Variants in NDUFS4 observed in about 807,000 individuals in gnomAD.
The protein encoded by NDUFS4 is NADH:ubiquinone oxidoreductase subunit S4.
Under a neutral mutation model 24.3 loss-of-function variants are expected in NDUFS4, and 28 were observed. The observed-to-expected ratio is 1.15, with a 90% CI of 0.85 to 1.58. The LOEUF (loss-of-function observed/expected upper bound fraction) is 1.58. Ranked by LOEUF, NDUFS4 falls within the 40% of genes most tolerant of loss-of-function variation. The pLI, the probability that NDUFS4 is intolerant of heterozygous loss-of-function variation, is 0.00. For missense variants in NDUFS4, 223 were observed against 207.9 expected (o/e 1.07, Z -0.45); for synonymous variants, 93 against 69.7 (o/e 1.34, Z -1.67).
At chr5:53,670,866 A>G (rs1752647345) in intron 4 of NDUFS4, among the ~76,000 whole-genome samples, 1 of 151,422 alleles carries the variant, frequency 6.6e-6, no homozygotes, top group South Asian at 2.1e-4. Flanking sequence ...TCCCTATAGT[A>G]CCTCTAGAGT....
intron 4 of NDUFS4, among the ~76,000 whole-genome samples, chr5:53,663,400 C>G (rs572620247): frequency 1.1e-3 from 163 of 152,200 alleles, no homozygotes; most frequent in Non-Finnish European, 1.7e-3. Flanking sequence ...AACTTCCTGT[C>G]TCATTGATCT....
In NDUFS4 at chr5:53,617,689, T is replaced by A. The variant is rs181536892; in HGVS notation, c.177+14159T>A. Among the ~76,000 whole-genome samples, 67 of 152,330 alleles carry A rather than the reference T, an allele frequency of 4.4e-4. 1 individual carries two copies. Among genetic ancestry groups the A allele is most frequent in the African/African-American group, 1.2e-3 (48 of 41,578 alleles). On this transcript the variant is annotated intron_variant, in intron 2 of 4. Coordinates refer to ENST00000296684, the MANE Select transcript of NDUFS4 (RefSeq NM_002495.4). ...GTGCCCCACCCTCTAAGCACTTTTT[T>A]AAAAATTGTCATATTTCCTCTTTTG...
intron 3 of NDUFS4, among the ~76,000 whole-genome samples, chr5:53,654,839 A>G (rs1226529598): frequency 1.3e-5 from 2 of 152,176 alleles, no homozygotes; most frequent in Non-Finnish European, 2.9e-5. Flanking sequence ...TTTACATTGT[A>G]TTGATACTTA....
At chr5:53,569,168 A>G (rs372335794) in intron 1 of NDUFS4, among the ~76,000 whole-genome samples, 154 of 152,250 alleles carry the variant, frequency 1.0e-3, no homozygotes, top group African/African-American at 3.5e-3. Context: ...GATCTCTTCA[A>G]TATACTTACA....
intron 3 of NDUFS4, among the ~76,000 whole-genome samples, chr5:53,649,555 C>T (rs56129546): frequency 0.13 from 20,206 of 152,160 alleles, 1,454 homozygotes; most frequent in African/African-American, 0.18. Flanking sequence ...TTTATTGCTG[C>T]GTAGTATTCC....
At chr5:53,622,186 C>T (rs1157524503) in intron 2 of NDUFS4, among the ~76,000 whole-genome samples, 1 of 152,078 alleles carries the variant, frequency 6.6e-6, no homozygotes, top group East Asian at 1.9e-4. Context: ...ACATGTCTTA[C>T]AGTGCTGTTC....
intron 1 of NDUFS4, among the ~76,000 whole-genome samples, chr5:53,574,473 G>C (rs968039064): frequency 6.6e-6 from 1 of 152,090 alleles, no homozygotes; most frequent in African/African-American, 2.4e-5. Context: ...CTAATACTTT[G>C]TTGAAGATTT....
chr5:53,662,418 G>A (rs190871288), intron 4 of NDUFS4, among the ~76,000 whole-genome samples: 7 of 152,088 alleles, frequency 4.6e-5, no homozygotes, highest in Admixed American at 6.6e-5. Context: ...GAGGATTTTT[G>A]CATCGATGTT....
chr5:53,629,001 C>A (rs988021166), intron 2 of NDUFS4, among the ~76,000 whole-genome samples: 3 of 152,110 alleles, frequency 2.0e-5, no homozygotes, highest in African/African-American at 7.2e-5. Context: ...TTCCTGCTTT[C>A]TCTTGTGGGC....
At chr5:53,627,753 G>T (rs186259858) in intron 2 of NDUFS4, among the ~76,000 whole-genome samples, 233 of 152,280 alleles carry the variant, frequency 1.5e-3, no homozygotes, top group African/African-American at 5.5e-3. Flanking sequence ...CTTTGCTGAA[G>T]TTGCTTATCA....
chr5:53,603,621 G>A, intron 2 of NDUFS4, 91 bp downstream of exon 2: 3 of 1,013,160 alleles, frequency 3.0e-6, no homozygotes, highest in South Asian at 1.4e-5. Flanking sequence ...AGGTTTTCAG[G>A]AAAGTGATTT....
At chr5:53,577,514 T>A (rs1158071999) in intron 1 of NDUFS4, among the ~76,000 whole-genome samples, 1 of 151,758 alleles carries the variant, frequency 6.6e-6, no homozygotes, top group Non-Finnish European at 1.5e-5. Flanking sequence ...GTAAGGGGTC[T>A]AATATCTATT....
intron 3 of NDUFS4, 140 bp downstream of exon 3, chr5:53,646,545 C>T: frequency 1.3e-6 from 1 of 794,498 alleles, no homozygotes; most frequent in Admixed American, 2.2e-5. Flanking sequence ...CCACTGTGCT[C>T]AAAGATACAC....
At chr5:53,578,806 ACTTT>A (rs1423501546) in intron 1 of NDUFS4, among the ~76,000 whole-genome samples, 1 of 150,746 alleles carries the variant, frequency 6.6e-6, no homozygotes, top group African/African-American at 2.4e-5. Context: ...TACTTTTCTT[ACTTT>A]CTTTTTTCTT....
intron 2 of NDUFS4, among the ~76,000 whole-genome samples, chr5:53,636,599 T>A (rs1751558118): frequency 6.6e-6 from 1 of 152,188 alleles, no homozygotes; most frequent in Admixed American, 6.5e-5. Context: ...ACTAATTTGT[T>A]TGCAAAACAA....
At chr5:53,593,255 A>C (rs1750031808) in intron 1 of NDUFS4, among the ~76,000 whole-genome samples, 1 of 151,998 alleles carries the variant, frequency 6.6e-6, no homozygotes, top group East Asian at 1.9e-4. Context: ...TGAGAGTTTT[A>C]GTAATTCCTG....
At chr5:53,658,488 A>T in intron 3 of NDUFS4, 63 bp from the exon 4 acceptor site, 1 of 1,105,086 alleles carries the variant, frequency 9.0e-7, no homozygotes, top group Non-Finnish European at 1.4e-6. Context: ...TATTTTAAAT[A>T]TTGATTTTGT....
At chr5:53,622,955 T>C (rs1751098510) in intron 2 of NDUFS4, among the ~76,000 whole-genome samples, 1 of 152,226 alleles carries the variant, frequency 6.6e-6, no homozygotes, top group Non-Finnish European at 1.5e-5. Flanking sequence ...CAGAATTTCA[T>C]TCCTTTTAAA....
chr5:53,653,537 A>G (rs907952443), intron 3 of NDUFS4, among the ~76,000 whole-genome samples: 2 of 152,186 alleles, frequency 1.3e-5, no homozygotes, highest in African/African-American at 4.8e-5. Context: ...TTGAACAAGT[A>G]AATGACTGTG....
Sources: gnomAD v4.1 joint callset for allele counts (sites outside exome capture counted in the v4.1 genomes callset) on GRCh38, gnomAD v4.1.1 for gene constraint, MANE v1.5 for transcripts, NCBI Gene and HGNC (gene_info 2026-07-23, HGNC 2026-07-21) for gene names.